The following TRDN variants were observed in gnomAD, a reference collection of about 807,000 sequenced individuals.
TRDN encodes triadin.
A neutral mutation model predicts 149.7 loss-of-function variants in TRDN; 161 were observed. The observed-to-expected ratio is 1.08, with a 90% confidence interval of 0.95 to 1.23. The LOEUF (loss-of-function observed/expected upper bound fraction) is 1.23. Ranked by LOEUF, TRDN falls within the 50% of genes most tolerant of loss-of-function variation. The probability of loss-of-function intolerance (pLI) is 0.00; values close to 1 mark genes in which losing one functional copy is unlikely to be tolerated. For synonymous variants in TRDN, 294 were observed against 250.5 expected (o/e 1.17, Z -1.64); for missense variants, 896 against 823.5 (o/e 1.09, Z -1.08).
At chr6:123,450,640 A>G (rs1004946633) in intron 10 of TRDN, among the ~76,000 whole-genome samples, 1 of 152,178 alleles carries the variant, frequency 6.6e-6, no homozygotes, top group Non-Finnish European at 1.5e-5. Context: ...AGATAGCAAC[A>G]CAAAAATAGT....
At chr6:123,344,975 C>T (rs1252154466) in intron 21 of TRDN, among the ~76,000 whole-genome samples, 2 of 151,950 alleles carry the variant, frequency 1.3e-5, no homozygotes, top group East Asian at 1.9e-4. Context: ...GTAGTGGTAT[C>T]TCATTGTTTT....
At chr6:123,446,436 G>T (rs191585897) in intron 10 of TRDN, among the ~76,000 whole-genome samples, 79 of 151,716 alleles carry the variant, frequency 5.2e-4, no homozygotes, top group Non-Finnish European at 8.7e-4. Context: ...GAAAAAATTA[G>T]CCAGGTGGCG....
intron 2 of TRDN, among the ~76,000 whole-genome samples, chr6:123,552,108 T>C (rs560591545): frequency 6.6e-6 from 1 of 152,098 alleles, no homozygotes; most frequent in Non-Finnish European, 1.5e-5. Context: ...ACTTCTGTTA[T>C]ATGAGATAAG....
intron 21 of TRDN, among the ~76,000 whole-genome samples, chr6:123,348,842 A>G (rs1319849050): frequency 6.6e-6 from 1 of 152,146 alleles, no homozygotes; most frequent in Non-Finnish European, 1.5e-5. Context: ...CTTGTCTAGA[A>G]TGTCAAAGGG....
intron 20 of TRDN, among the ~76,000 whole-genome samples, chr6:123,356,136 G>T (rs932661505): frequency 9.9e-5 from 15 of 151,612 alleles, no homozygotes; most frequent in Non-Finnish European, 1.5e-4. Context: ...TACTGCACTG[G>T]ATGGAAAACC....
chr6:123,522,287 A>C (rs911407327), intron 5 of TRDN, among the ~76,000 whole-genome samples: 2 of 152,112 alleles, frequency 1.3e-5, no homozygotes, highest in Non-Finnish European at 2.9e-5. Context: ...TATATTTACC[A>C]CTGGGTTCCT....
intron 12 of TRDN, among the ~76,000 whole-genome samples, chr6:123,413,475 G>T (rs1255233021): frequency 6.6e-6 from 1 of 152,174 alleles, no homozygotes; most frequent in Non-Finnish European, 1.5e-5. Context: ...TTTCTAAAGG[G>T]TGTAGAATTG....
At chr6:123,270,299 C>T (rs1777163052) in intron 30 of TRDN, among the ~76,000 whole-genome samples, 1 of 151,954 alleles carries the variant, frequency 6.6e-6, no homozygotes, top group Non-Finnish European at 1.5e-5. Context: ...AGATTTCTTT[C>T]TTTCTACTTA....
intron 24 of TRDN, among the ~76,000 whole-genome samples, chr6:123,289,035 G>GTA (rs1310568216): frequency 5.4e-5 from 8 of 147,370 alleles, no homozygotes; most frequent in East Asian, 2.0e-4. Flanking sequence ...GTGTGTGTGT[G>GTA]TGTATATATA....
chr6:123,427,363 C>T (rs928183260), intron 12 of TRDN, among the ~76,000 whole-genome samples: 1 of 151,448 alleles, frequency 6.6e-6, no homozygotes, highest in African/African-American at 2.4e-5. Context: ...ATAATAATAA[C>T]TTCACTTCAA....
intron 24 of TRDN, among the ~76,000 whole-genome samples, chr6:123,308,578 G>A: frequency 6.6e-6 from 1 of 151,934 alleles, no homozygotes; most frequent in Admixed American, 6.6e-5. Flanking sequence ...AACCCAGCCT[G>A]AGGATTCAAA....
intron 12 of TRDN, among the ~76,000 whole-genome samples, chr6:123,398,962 C>A (rs1772846791): frequency 6.6e-6 from 1 of 152,084 alleles, no homozygotes; most frequent in Non-Finnish European, 1.5e-5. Context: ...CCCAGAAAAT[C>A]TTCACCTCAT....
intron 4 of TRDN, among the ~76,000 whole-genome samples, chr6:123,536,577 G>A (rs1173707111): frequency 6.6e-6 from 1 of 151,772 alleles, no homozygotes; most frequent in African/African-American, 2.4e-5. Context: ...TTGGCCAGGT[G>A]CAGTATCTCA....
At chr6:123,309,856 C>T (rs558132451) in intron 24 of TRDN, among the ~76,000 whole-genome samples, 7 of 151,992 alleles carry the variant, frequency 4.6e-5, no homozygotes, top group East Asian at 1.9e-4. Flanking sequence ...ATATATAAAT[C>T]GATTATAAAA....
chr6:123,241,544 G>GA (rs1300525250), intron 38 of TRDN, among the ~76,000 whole-genome samples: 1 of 151,094 alleles, frequency 6.6e-6, no homozygotes, highest in Non-Finnish European at 1.5e-5. Flanking sequence ...ATAAAGGAAG[G>GA]AAAAAAATGC....
intron 12 of TRDN, among the ~76,000 whole-genome samples, chr6:123,415,584 CT>C (rs1773616406): frequency 6.6e-6 from 1 of 152,100 alleles, no homozygotes; most frequent in East Asian, 1.9e-4. Flanking sequence ...TAGGCAAACA[CT>C]ATATAAAAAT....
At chr6:123,539,251 T>C (rs1195260742) in intron 4 of TRDN, among the ~76,000 whole-genome samples, 1 of 152,202 alleles carries the variant, frequency 6.6e-6, no homozygotes, top group Admixed American at 6.5e-5. Context: ...TAAGAGTCAT[T>C]AGGGATCTTA....
At chr6:123,591,132 G>A (rs1326376876) in intron 1 of TRDN, among the ~76,000 whole-genome samples, 1 of 151,972 alleles carries the variant, frequency 6.6e-6, no homozygotes. Flanking sequence ...AATCCATAGA[G>A]TATTTTTCTC....
intron 1 of TRDN, among the ~76,000 whole-genome samples, chr6:123,614,507 C>A (rs1246594234): frequency 1.3e-5 from 2 of 151,218 alleles, no homozygotes; most frequent in African/African-American, 2.4e-5. Flanking sequence ...TTTTTAATTA[C>A]ACTTATTGAA....
Sources: allele counts gnomAD v4.1 joint callset (sites outside exome capture counted in the v4.1 genomes callset), GRCh38; gene constraint gnomAD v4.1.1; transcripts MANE v1.5; gene names NCBI Gene and HGNC (gene_info 2026-07-23, HGNC 2026-07-21).